The following TOP1 variants were observed in gnomAD, a reference collection of about 807,000 sequenced individuals.
The protein encoded by TOP1 is DNA topoisomerase 1.
In TOP1, 10 loss-of-function variants were observed where a neutral mutation model predicts 111.1. The ratio of observed to expected loss-of-function variants is 0.09; its 90% confidence interval spans 0.06 to 0.15. TOP1 has a LOEUF of 0.15. TOP1 is among the 10% of genes least tolerant of loss of function. The pLI, the probability that TOP1 is intolerant of heterozygous loss-of-function variation, is 1.00. For synonymous variants in TOP1, 271 were observed against 302.9 expected (o/e 0.89, Z 1.10); for missense variants, 474 against 926.7 (o/e 0.51, Z 6.34).
intron 3 of TOP1, chr20:41,072,835 C>G: frequency 6.7e-5 from 66 of 985,422 alleles, no homozygotes; most frequent in Non-Finnish European, 7.8e-5. Context: ...CTGTCCTTAA[C>G]CCTCAATCAT....
intron 3 of TOP1, chr20:41,072,645 T>A: frequency 1.0e-6 from 1 of 985,452 alleles, no homozygotes; most frequent in Non-Finnish European, 1.2e-6. Flanking sequence ...CCAGCACTCC[T>A]GCCGGTTTGG....
intron 2 of TOP1, among the ~76,000 whole-genome samples, chr20:41,052,514 G>C (rs1267026581): frequency 6.6e-6 from 1 of 152,148 alleles, no homozygotes; most frequent in Non-Finnish European, 1.5e-5. Flanking sequence ...CATATCTGCA[G>C]CTTCATTGTC....
At chr20:41,062,278 T>A (rs2033554324) in intron 3 of TOP1, among the ~76,000 whole-genome samples, 2 of 152,240 alleles carry the variant, frequency 1.3e-5, no homozygotes. Context: ...TTAGAACAAG[T>A]GTCTCCATTG....
chr20:41,049,757 A>G (rs1275113948), intron 2 of TOP1, among the ~76,000 whole-genome samples: 1 of 152,238 alleles, frequency 6.6e-6, no homozygotes, highest in Non-Finnish European at 1.5e-5. Context: ...ATACTTGAAC[A>G]AATGAATATT....
intron 3 of TOP1, among the ~76,000 whole-genome samples, chr20:41,068,873 G>C (rs995064203): frequency 3.3e-5 from 5 of 152,138 alleles, no homozygotes; most frequent in Admixed American, 2.0e-4. Flanking sequence ...AATTTGGGAG[G>C]GGGGCTTGAT....
rs181097929 is a variant in TOP1 at position 41,037,066 on chromosome 20, G to A, written c.58+7611G>A. On this transcript the variant is annotated intron_variant, in intron 2 of 20. Coordinates refer to ENST00000361337, the MANE Select transcript of TOP1 (RefSeq NM_003286.4). ...AGGATGGTCTCGATCTCCTGACCTC[G>A]TGATCCACCAGCCTCGGCCTCCCAA... Among the ~76,000 whole-genome samples the A allele has an allele frequency of 2.0e-4, 30 of 152,108 alleles. No homozygotes were observed. The East Asian group carries it at 4.6e-3, about 23-fold the overall frequency.
intron 3 of TOP1, among the ~76,000 whole-genome samples, chr20:41,070,754 A>C (rs2033660461): frequency 6.6e-6 from 1 of 152,182 alleles, no homozygotes; most frequent in Non-Finnish European, 1.5e-5. Context: ...TCCTTTTCTC[A>C]GAATATGTGG....
At position 41,038,985 on chromosome 20, in the gene TOP1, C is replaced by G. The variant is rs528028510; in HGVS notation, c.58+9530C>G. Among the ~76,000 whole-genome samples, 46 of 150,896 alleles carry G rather than the reference C, an allele frequency of 3.0e-4. 1 individual carries two copies. In the South Asian group the frequency reaches 9.4e-3, roughly 31 times the overall value. On this transcript the variant is annotated intron_variant, in intron 2 of 20. Transcript: ENST00000361337. Reference sequence around the variant, plus strand: ...CCCGTTTTGGGCAACAGAGTGAGACCCTGTCTCAAAAAAAAAAAAAAATCA... The same window carrying G: ...CCCGTTTTGGGCAACAGAGTGAGACGCTGTCTCAAAAAAAAAAAAAAATCA...
At chr20:41,074,069 A>G (rs183836321) in intron 3 of TOP1, among the ~76,000 whole-genome samples, 1 of 152,224 alleles carries the variant, frequency 6.6e-6, no homozygotes, top group African/African-American at 2.4e-5. Flanking sequence ...TTACCTATAC[A>G]TTAACTCCTG....
chr20:41,063,726 T>C (rs909739065), intron 3 of TOP1, among the ~76,000 whole-genome samples: 6 of 152,148 alleles, frequency 3.9e-5, no homozygotes, highest in Non-Finnish European at 5.9e-5. Flanking sequence ...TGTTGGCCAT[T>C]TGTATGTCAT....
At chr20:41,036,653 T>G (rs545024741) in intron 2 of TOP1, among the ~76,000 whole-genome samples, 93 of 151,296 alleles carry the variant, frequency 6.1e-4, no homozygotes, top group Middle Eastern at 6.8e-3. Context: ...TAAATCTTCT[T>G]GACATTTACA....
intron 3 of TOP1, among the ~76,000 whole-genome samples, chr20:41,064,041 T>G (rs1408954273): frequency 6.6e-6 from 1 of 152,226 alleles, no homozygotes; most frequent in Non-Finnish European, 1.5e-5. Flanking sequence ...TTAACAGTTT[T>G]AAGTTTTACA....
At chr20:41,108,061 A>G (rs2034175591) in intron 13 of TOP1, among the ~76,000 whole-genome samples, 1 of 152,224 alleles carries the variant, frequency 6.6e-6, no homozygotes. Flanking sequence ...CCAGCAGTCA[A>G]TAACAGATAT....
intron 2 of TOP1, among the ~76,000 whole-genome samples, chr20:41,041,550 T>C (rs780526521): frequency 3.3e-5 from 5 of 152,088 alleles, no homozygotes; most frequent in Admixed American, 2.6e-4. Flanking sequence ...TCCCCCCAGC[T>C]GGTTGAAGAT....
chr20:41,052,129 A>G (rs981801360), intron 2 of TOP1, among the ~76,000 whole-genome samples: 7 of 152,188 alleles, frequency 4.6e-5, no homozygotes, highest in African/African-American at 1.7e-4. Context: ...CCACTGATTT[A>G]TGCTACCTTC....
chr20:41,092,555 C>G lies in TOP1; in HGVS notation c.698C>G (p.Pro233Arg). ...CCAGTATTTGCCCCACCATATGAGCCTCTTCCAGAGAATGTCAAGTTTTAT... is the reference window on the plus strand; with the variant it reads ...CCAGTATTTGCCCCACCATATGAGCGTCTTCCAGAGAATGTCAAGTTTTAT... ...KGPVFAPPYE[P>R]LPENVKFYYD... The change falls in exon 9 of 21, where the codon CCT (proline) becomes CGT (arginine). Residue 233 changes from proline (P) to arginine (R), a missense_variant. Transcript: ENST00000361337. The surrounding 1 kb of genome is among the most constrained non-coding windows in gnomAD (Gnocchi z 4.3). The G allele has an allele frequency of 6.3e-7, 1 of 1,595,208 alleles. No individual in the cohort carries two copies. The highest frequency in any genetic ancestry group is 2.2e-5 in the East Asian group (1 of 44,634).
intron 2 of TOP1, among the ~76,000 whole-genome samples, chr20:41,048,969 A>ACAGGAAGGG (rs1315314356): frequency 1.3e-5 from 2 of 152,158 alleles, no homozygotes; most frequent in Non-Finnish European, 2.9e-5. Flanking sequence ...GTAAAATAAG[A>ACAGGAAGGG]CAGGAAGGGG....
intron 2 of TOP1, among the ~76,000 whole-genome samples, chr20:41,036,034 A>G (rs2033180512): frequency 1.3e-5 from 2 of 152,248 alleles, no homozygotes; most frequent in Non-Finnish European, 2.9e-5. Context: ...ATTAGGCACC[A>G]CATTTTTATG....
intron 2 of TOP1, among the ~76,000 whole-genome samples, chr20:41,050,883 G>A (rs1600559854): frequency 6.6e-6 from 1 of 150,518 alleles, no homozygotes; most frequent in East Asian, 2.2e-4. Context: ...GGTATAGAGT[G>A]TTAAAGAGAA....
Sources: gnomAD v4.1 joint callset for allele counts (sites outside exome capture counted in the v4.1 genomes callset) on GRCh38, gnomAD v4.1.1 for gene constraint, Gnocchi (gnomAD v3.1) non-coding constraint, MANE v1.5 for transcripts, NCBI Gene and HGNC (gene_info 2026-07-23, HGNC 2026-07-21) for gene names.